Variants in WWOX observed in about 807,000 individuals in gnomAD.
WWOX encodes the protein WW domain-containing oxidoreductase.
A neutral mutation model predicts 46.2 loss-of-function variants in WWOX; 69 were observed. The ratio of observed to expected loss-of-function variants is 1.49; its 90% CI spans 1.23 to 1.82. WWOX has a LOEUF of 1.82. Ranked by LOEUF, WWOX falls within the 40% of genes most tolerant of loss-of-function variation. The probability of loss-of-function intolerance (pLI) is 0.00; values close to 1 mark genes in which losing one functional copy is unlikely to be tolerated. For missense variants in WWOX, 919 were observed against 542.6 expected, an observed-to-expected ratio of 1.69 and a Z score of -6.89; for synonymous variants, 359 against 202.6, an observed-to-expected ratio of 1.77 and a Z score of -6.56.
chr16:78,410,803 C>G (rs1051529793), intron 6 of WWOX, among the ~76,000 whole-genome samples: 8 of 110,462 alleles, frequency 7.2e-5, no homozygotes, highest in African/African-American at 3.6e-4. Context: ...AAGGCCCCAC[C>G]TCAAAAAAAA....
chr16:78,897,073 C>CAAAAAAAAGAAA (rs1014224522), intron 8 of WWOX: 1 of 123,430 alleles, frequency 8.1e-6, no homozygotes, highest in Non-Finnish European at 1.7e-5. Flanking sequence ...ACTAAAAATA[C>CAAAAAAAAGAAA]AAAAAAAAGA....
chr16:78,836,726 A>G (rs1222304222), intron 8 of WWOX, among the ~76,000 whole-genome samples: 1 of 152,184 alleles, frequency 6.6e-6, no homozygotes, highest in Admixed American at 6.5e-5. Flanking sequence ...GGCAGATGGT[A>G]AGTGGCAGAG....
intron 8 of WWOX, among the ~76,000 whole-genome samples, chr16:78,683,360 A>G (rs1359881164): frequency 6.6e-6 from 1 of 151,708 alleles, no homozygotes; most frequent in African/African-American, 2.4e-5. Context: ...CAACAAGGCG[A>G]AACCCCATCT....
chr16:78,117,001 T>C (rs2032830406), intron 4 of WWOX, among the ~76,000 whole-genome samples: 1 of 152,312 alleles, frequency 6.6e-6, no homozygotes, highest in African/African-American at 2.4e-5. Context: ...ATAGAGTTGG[T>C]TCAGAATATT....
At chr16:78,700,218 C>T (rs1050171541) in intron 8 of WWOX, among the ~76,000 whole-genome samples, 1 of 149,908 alleles carries the variant, frequency 6.7e-6, no homozygotes, top group Non-Finnish European at 1.5e-5. Flanking sequence ...GGCTGGAAGT[C>T]AGATGTCAGG....
chr16:78,377,729 T>C (rs2081863777), intron 5 of WWOX, among the ~76,000 whole-genome samples: 1 of 152,224 alleles, frequency 6.6e-6, no homozygotes, highest in South Asian at 2.1e-4. Flanking sequence ...AAGCATTTTT[T>C]ATCCGGATTG....
At chr16:78,694,939 C>T (rs1391877004) in intron 8 of WWOX, among the ~76,000 whole-genome samples, 1 of 152,062 alleles carries the variant, frequency 6.6e-6, no homozygotes, top group African/African-American at 2.4e-5. Context: ...ATTAATAACA[C>T]ATCTATGAAT....
At chr16:78,498,845 C>A (rs1221861285) in intron 8 of WWOX, among the ~76,000 whole-genome samples, 1 of 144,738 alleles carries the variant, frequency 6.9e-6, no homozygotes, top group African/African-American at 2.4e-5. Context: ...GGAATACAGG[C>A]AGGAGCCACT....
chr16:78,828,759 G>A (rs1027653276), intron 8 of WWOX, among the ~76,000 whole-genome samples: 1 of 152,078 alleles, frequency 6.6e-6, no homozygotes, highest in Non-Finnish European at 1.5e-5. Context: ...TATAAAGTGG[G>A]CACAATTATT....
At chr16:78,421,208 C>T (rs567716876) in intron 6 of WWOX, among the ~76,000 whole-genome samples, 2 of 152,188 alleles carry the variant, frequency 1.3e-5, no homozygotes, top group East Asian at 3.9e-4. Context: ...GAATTTTACT[C>T]TCTTACAGTT....
intron 8 of WWOX, among the ~76,000 whole-genome samples, chr16:79,165,784 G>C (rs1315329322): frequency 6.6e-6 from 1 of 152,154 alleles, no homozygotes; most frequent in Non-Finnish European, 1.5e-5. Context: ...GTCACAGGCA[G>C]GCTTGGCTTC....
intron 8 of WWOX, among the ~76,000 whole-genome samples, chr16:78,665,576 C>T (rs1015906083): frequency 4.6e-5 from 7 of 152,190 alleles, no homozygotes; most frequent in South Asian, 2.1e-4. Context: ...CCCTCTACCA[C>T]GCTGACTGGC....
intron 5 of WWOX, among the ~76,000 whole-genome samples, chr16:78,328,753 C>A (rs935616355): frequency 6.6e-6 from 1 of 152,192 alleles, no homozygotes; most frequent in East Asian, 1.9e-4. Context: ...CAAGCAAAAT[C>A]ATTTCCACAC....
At chr16:78,752,009 A>G (rs1322693445) in intron 8 of WWOX, among the ~76,000 whole-genome samples, 3 of 8,122 alleles carry the variant, frequency 3.7e-4, no homozygotes, top group African/African-American at 1.6e-3. Flanking sequence ...TTCTTTAAAT[A>G]AGGAGGAGGA....
chr16:78,856,615 C>T (rs1030242598), intron 8 of WWOX, among the ~76,000 whole-genome samples: 10 of 151,964 alleles, frequency 6.6e-5, no homozygotes, highest in African/African-American at 1.7e-4. Flanking sequence ...TGCACTCCAG[C>T]GTGGGTGACA....
At chr16:78,392,004 T>G (rs75311365) in intron 6 of WWOX, among the ~76,000 whole-genome samples, 8,672 of 151,812 alleles carry the variant, frequency 0.057, 324 homozygotes, top group Middle Eastern at 0.12. Flanking sequence ...CCTTTTTTTT[T>G]TTTTCCTTAA....
At chr16:78,782,488 T>G (rs966997035) in intron 8 of WWOX, among the ~76,000 whole-genome samples, 9 of 152,002 alleles carry the variant, frequency 5.9e-5, no homozygotes, top group African/African-American at 1.9e-4. Flanking sequence ...TCTCCCAGAG[T>G]AGGGAGGAAA....
At chr16:78,353,865 G>A (rs1487352882) in intron 5 of WWOX, among the ~76,000 whole-genome samples, 1 of 152,176 alleles carries the variant, frequency 6.6e-6, no homozygotes, top group Non-Finnish European at 1.5e-5. Flanking sequence ...CCTTGATGTG[G>A]TGCCGAGTTG....
At chr16:78,726,006 T>TCTC (rs1491090767) in intron 8 of WWOX, among the ~76,000 whole-genome samples, 3 of 150,976 alleles carry the variant, frequency 2.0e-5, no homozygotes, top group African/African-American at 7.3e-5. Flanking sequence ...TCCTTCTTCT[T>TCTC]CTCTTTGTTC....
Sources: allele counts gnomAD v4.1 joint callset (sites outside exome capture counted in the v4.1 genomes callset), GRCh38; gene constraint gnomAD v4.1.1; transcripts MANE v1.5; gene names NCBI Gene and HGNC (gene_info 2026-07-23, HGNC 2026-07-21).